Variants in PTPRB observed in about 807,000 individuals in gnomAD.
PTPRB encodes receptor-type tyrosine-protein phosphatase beta.
A neutral mutation model predicts 238.1 loss-of-function variants in PTPRB; 97 were observed. The observed-to-expected ratio is 0.41, with a 90% confidence interval of 0.35 to 0.48. PTPRB has a LOEUF of 0.48. Among genes scored for constraint, PTPRB ranks in the 20% least tolerant of loss-of-function variants. The pLI is 0.30. For synonymous variants in PTPRB, 970 were observed against 995.4 expected (o/e 0.97, Z 0.48); for missense variants, 2,292 against 2,681.9 (o/e 0.85, Z 3.21).
At chr12:70,592,190 G>A (rs1246525994) in intron 7 of PTPRB, 92 bp downstream of exon 7, 2 of 1,548,246 alleles carry the variant, frequency 1.3e-6, no homozygotes, top group Admixed American at 3.4e-5. Flanking sequence ...GATTGGGAAA[G>A]GAGTTTTCCT....
chr12:70,623,177 G>A (rs1026483249), intron 2 of PTPRB, among the ~76,000 whole-genome samples: 9 of 152,110 alleles, frequency 5.9e-5, no homozygotes, highest in South Asian at 4.1e-4. Flanking sequence ...ATGACACTTC[G>A]TTAGCCACAG....
At chr12:70,537,537 A>G (rs921812071) in intron 28 of PTPRB, among the ~76,000 whole-genome samples, 1 of 152,016 alleles carries the variant, frequency 6.6e-6, no homozygotes, top group Non-Finnish European at 1.5e-5. Flanking sequence ...CTTAATTTCT[A>G]AGTGTTTATT....
intron 25 of PTPRB, 50 bp from the exon 26 acceptor site, chr12:70,539,756 AAGTGCCATAACT>A (rs772012087): frequency 1.3e-6 from 2 of 1,592,208 alleles, no homozygotes; most frequent in African/African-American, 2.7e-5. Flanking sequence ...AGAAAAGGGA[AAGTGCCATAACT>A]ATTCTGACTC....
At chr12:70,610,263 C>T (rs1383981455) in intron 3 of PTPRB, among the ~76,000 whole-genome samples, 2 of 152,180 alleles carry the variant, frequency 1.3e-5, no homozygotes, top group African/African-American at 4.8e-5. Flanking sequence ...GCCAGGGGTC[C>T]GGTCCGGCTC....
At chr12:70,608,735 G>T in intron 4 of PTPRB, 1 of 250,318 alleles carries the variant, frequency 4.0e-6, no homozygotes, top group Non-Finnish European at 7.6e-6. Context: ...ATTATTCCAG[G>T]GTTTGACAAT....
chr12:70,578,183 A>T (rs1334656468), intron 10 of PTPRB, among the ~76,000 whole-genome samples: 2 of 152,196 alleles, frequency 1.3e-5, no homozygotes, highest in African/African-American at 4.8e-5. Flanking sequence ...AATATCTTTA[A>T]TTTTAAATAT....
In PTPRB at chr12:70,560,324, GCA is replaced by G. The variant is rs1020922137; in HGVS notation, c.4432+345_4432+346del. Among the ~76,000 whole-genome samples the G allele has an allele frequency of 4.6e-5, 7 of 152,110 alleles. No homozygotes were observed. Among genetic ancestry groups the G allele is most frequent in the Non-Finnish European group, 1.0e-4 (7 of 67,992 alleles). ...AGCCTTGTTGATTAACTCCAGGGTG[GCA>G]CACAGACCTCTGTGTGTGCCCATGA... On this transcript the variant is annotated intron_variant, in intron 17 of 33. Coordinates refer to ENST00000334414, the MANE Select transcript of PTPRB (RefSeq NM_001109754.4). The surrounding 1 kb of genome is among the most constrained non-coding windows in gnomAD (Gnocchi z 4.2).
intron 16 of PTPRB, among the ~76,000 whole-genome samples, chr12:70,561,879 G>C (rs1202791940): frequency 6.6e-6 from 1 of 152,198 alleles, no homozygotes; most frequent in Non-Finnish European, 1.5e-5. Context: ...TCTGAGGGCA[G>C]GGCCCTTGAC....
At chr12:70,621,690 GTTGT>G (rs1296462534) in intron 3 of PTPRB, among the ~76,000 whole-genome samples, 4 of 152,190 alleles carry the variant, frequency 2.6e-5, no homozygotes, top group African/African-American at 9.6e-5. Flanking sequence ...AATGATTTGG[GTTGT>G]TTATTAGGAA....
intron 10 of PTPRB, 138 bp from the exon 11 acceptor site, chr12:70,576,783 A>G: frequency 1.7e-6 from 1 of 602,912 alleles, no homozygotes; most frequent in Non-Finnish European, 2.9e-6. Context: ...TGATTATATA[A>G]GAGGTCAAGG....
chr12:70,635,800 A>C lies in PTPRB; in HGVS notation c.322T>G (p.Ser108Ala). The change falls in exon 2 of 34, where the codon TCT becomes GCT. Residue 108 changes from serine (S) to alanine (A), a missense_variant. Physicochemically the swap from Ser to Ala is moderately conservative, Grantham distance 99. Around this residue, in one of 4 missense-constraint regions of PTPRB, gnomAD observed 1,205 missense variants for 1,287.8 expected, o/e 0.94. Transcript: ENST00000334414. ...GAGCCTTGTTTCTGGAGAAAGAGAG[A>C]GGCATTTTCCACCTCAAGGAAGCCT... ...QEGFLEVENASLFLQKQGSRV... is the reference protein window; with the variant it reads ...QEGFLEVENAALFLQKQGSRV... 1 of 1,613,660 alleles carries C rather than the reference A, an allele frequency of 6.2e-7. No homozygotes were observed. The highest frequency in any genetic ancestry group is 8.5e-7 in the Non-Finnish European group (1 of 1,179,778).
intron 18 of PTPRB, 81 bp from the exon 19 acceptor site, chr12:70,556,229 C>G (rs565030348): frequency 2.3e-6 from 3 of 1,286,750 alleles, no homozygotes; most frequent in African/African-American, 3.0e-5. Context: ...CCAACTAGCT[C>G]TGAGATCTAG....
chr12:70,602,453 A>G (rs1250615980), intron 4 of PTPRB, among the ~76,000 whole-genome samples: 1 of 152,228 alleles, frequency 6.6e-6, no homozygotes. Flanking sequence ...TCTTCTAATC[A>G]GATTGCTGTC....
At position 70,576,577 on chromosome 12, in the gene PTPRB, G is replaced by C; in HGVS notation, c.2647C>G (p.Leu883Val). ...GRNDYLSVSW[L>V]LAPGDVDNYE... ...TTATCCACATCTCCGGGCGCCAGCA[G>C]CCAGGAAACGCTGAGGTAGTCATTA... The change falls in exon 11 of 34, where the codon CTG becomes GTG. Residue 883 changes from leucine (L) to valine (V), a missense_variant. Around this residue, in one of 4 missense-constraint regions of PTPRB, gnomAD observed 1,205 missense variants for 1,287.8 expected, o/e 0.94. Transcript: ENST00000334414. The C allele has an allele frequency of 4.5e-6, 7 of 1,547,642 alleles. No individual in the cohort carries two copies. The highest frequency in any genetic ancestry group is 6.1e-6 in the Non-Finnish European group (7 of 1,145,942).
At chr12:70,628,131 T>G (rs1185644139) in intron 2 of PTPRB, among the ~76,000 whole-genome samples, 1 of 152,152 alleles carries the variant, frequency 6.6e-6, no homozygotes. Context: ...TCAGGGACAC[T>G]TGAAAATTTG....
chr12:70,620,898 A>G (rs1884900242), intron 3 of PTPRB, among the ~76,000 whole-genome samples: 1 of 152,214 alleles, frequency 6.6e-6, no homozygotes, highest in Non-Finnish European at 1.5e-5. Flanking sequence ...AGTGGGTACA[A>G]TGTATGTTAT....
intron 3 of PTPRB, among the ~76,000 whole-genome samples, chr12:70,615,534 C>T (rs1884640202): frequency 6.6e-6 from 1 of 152,204 alleles, no homozygotes; most frequent in African/African-American, 2.4e-5. Context: ...ATGGGCTTTA[C>T]ATAGCTTTTG....
At chr12:70,569,527 A>G in intron 14 of PTPRB, 148 bp downstream of exon 14, 1 of 918,840 alleles carries the variant, frequency 1.1e-6, no homozygotes, top group Non-Finnish European at 1.6e-6. Flanking sequence ...TACAAAGAAT[A>G]AATGAGTAAG....
In PTPRB at chr12:70,592,482, T is replaced by C; in HGVS notation, c.1580A>G (p.Lys527Arg). ...NDGSLTSLKV[K>R]WQRPPGNVDS... ...CACATTTCCAGGAGGTCTTTGCCAT[T>C]TGACTTTTAGAGAGGTCAAACTGCC... Residue 527 changes from lysine (K) to arginine (R), a missense_variant, in exon 7 of 34, where the codon AAA becomes AGA. Around this residue, in one of 4 missense-constraint regions of PTPRB, gnomAD observed 1,205 missense variants for 1,287.8 expected, o/e 0.94. Coordinates refer to ENST00000334414, the MANE Select transcript of PTPRB (RefSeq NM_001109754.4). 6.2e-7 allele frequency: 1 copy of C among 1,613,898 alleles called. No individual in the cohort carries two copies. The highest frequency in any genetic ancestry group is 8.5e-7 in the Non-Finnish European group (1 of 1,179,816).
Sources: allele counts gnomAD v4.1 joint callset (sites outside exome capture counted in the v4.1 genomes callset), GRCh38; gene constraint gnomAD v4.1.1; regional missense constraint gnomAD v4.1.1; non-coding constraint Gnocchi (gnomAD v3.1); transcripts MANE v1.5; gene names NCBI Gene and HGNC (gene_info 2026-07-23, HGNC 2026-07-21).